The following PDE10A variants were observed in gnomAD, a reference collection of about 807,000 sequenced individuals.
The protein encoded by PDE10A is phosphodiesterase 10A, also known as cAMP and cAMP-inhibited cGMP 3',5'-cyclic phosphodiesterase 10A.
In PDE10A, 39 loss-of-function variants were observed where a neutral mutation model predicts 97.7. The ratio of observed to expected loss-of-function variants is 0.40; its 90% CI spans 0.31 to 0.52. The LOEUF (loss-of-function observed/expected upper bound fraction) is 0.52. Ranked by LOEUF, PDE10A falls within the 20% of genes least tolerant of loss-of-function variation. The probability of loss-of-function intolerance (pLI) is 0.56; values close to 1 mark genes in which losing one functional copy is unlikely to be tolerated. For missense variants in PDE10A, 731 were observed against 1,047.8 expected, an observed-to-expected ratio of 0.70 and a Z score of 4.17; for synonymous variants, 371 against 376.8, an observed-to-expected ratio of 0.98 and a Z score of 0.18.
At chr6:165,380,200 C>T (rs940209139) in intron 17 of PDE10A, among the ~76,000 whole-genome samples, 1 of 152,144 alleles carries the variant, frequency 6.6e-6, no homozygotes, top group Non-Finnish European at 1.5e-5. Flanking sequence ...AATTAAGATG[C>T]AGTCAATTTG....
In PDE10A at chr6:165,430,298, G is replaced by A. The variant is rs141863025; in HGVS notation, c.1590C>T (p.Leu530=). ...AAATGAACACTTACTTTGATACGTCGAGTAGGAAGTCATTCAATTCTGTCT... is the reference window on the plus strand; with the variant it reads ...AAATGAACACTTACTTTGATACGTCAAGTAGGAAGTCATTCAATTCTGTCT... ...AKQTELNDFL[L]DVSKTYFDNI... is the part of the protein sequence containing the mutation. Residue 530 remains leucine, a synonymous_variant, in exon 9 of 22, where the codon CTC becomes CTT. Coordinates refer to ENST00000539869, the MANE Select transcript of PDE10A (RefSeq NM_001385079.1). 1.5e-4 allele frequency: 236 copies of A among 1,606,920 alleles called. 2 individuals carry two copies. Among genetic ancestry groups the A allele is most frequent in the South Asian group, 1.0e-3 (94 of 90,630 alleles).
rs958714970 is a variant in PDE10A, at chr6:165,671,711, CATAT to C, written c.-614-128147_-614-128144del. Among the ~76,000 whole-genome samples, 9 of 151,466 alleles carry C rather than the reference CATAT, an allele frequency of 5.9e-5. No individual in the cohort carries two copies. The highest frequency in any genetic ancestry group is 1.2e-4 in the Non-Finnish European group (8 of 67,988). On this transcript the variant is annotated intron_variant, in intron 1 of 19. Coordinates refer to the PDE10A transcript ENST00000366882. The surrounding 1 kb of genome is among the most constrained non-coding windows in gnomAD (Gnocchi z 4.6). ...GCTAGATATCACACACACACACACA[CATAT>C]ATATAGTGTGCTTTATATCATATAT...
intron 1 of PDE10A, among the ~76,000 whole-genome samples, chr6:165,587,444 G>T (rs995572625): frequency 2.0e-5 from 3 of 152,062 alleles, no homozygotes; most frequent in African/African-American, 7.3e-5. Flanking sequence ...GTCCTAGATG[G>T]GGGTAAGTTA....
At chr6:165,589,354 T>C (rs1786109755) in intron 1 of PDE10A, among the ~76,000 whole-genome samples, 1 of 152,200 alleles carries the variant, frequency 6.6e-6, no homozygotes, top group Admixed American at 6.5e-5. Flanking sequence ...AATATGAAAT[T>C]TCCCCAATTT....
intron 1 of PDE10A, among the ~76,000 whole-genome samples, chr6:165,582,933 G>T (rs774892798): frequency 6.6e-6 from 1 of 151,970 alleles, no homozygotes; most frequent in Non-Finnish European, 1.5e-5. Context: ...GTATTTCTTC[G>T]TGCGGCAAAT....
At chr6:165,369,828 G>C (rs963852156) in intron 18 of PDE10A, among the ~76,000 whole-genome samples, 3 of 151,024 alleles carry the variant, frequency 2.0e-5, no homozygotes, top group Non-Finnish European at 4.4e-5. Context: ...CAGCCAGAGA[G>C]AAAGGTCGGG....
intron 1 of PDE10A, among the ~76,000 whole-genome samples, chr6:165,788,545 G>GA (rs1554321909): frequency 1.7e-5 from 2 of 114,414 alleles, no homozygotes; most frequent in East Asian, 5.2e-4. Context: ...AAAAAGAAAA[G>GA]AAAAGAAAAA....
At chr6:165,367,403 C>T (rs1443175461) in intron 18 of PDE10A, among the ~76,000 whole-genome samples, 2 of 151,806 alleles carry the variant, frequency 1.3e-5, no homozygotes, top group East Asian at 3.9e-4. Flanking sequence ...CCATACAGAG[C>T]CTTAATAACC....
chr6:165,655,055 C>T lies in PDE10A; in HGVS notation c.865+6892G>A, dbSNP rs556105140. Among the ~76,000 whole-genome samples, 18 of 152,296 alleles carry T rather than the reference C, an allele frequency of 1.2e-4. No homozygotes were observed. Among genetic ancestry groups the T allele is most frequent in the South Asian group, 4.2e-4 (2 of 4,818 alleles). Reference sequence around the variant, plus strand: ...AGAGTCCAAATCTCTCTTTCTACTCCGGCTCATAGCACAGAATTCCAGCGG... The same window carrying T: ...AGAGTCCAAATCTCTCTTTCTACTCTGGCTCATAGCACAGAATTCCAGCGG... On this transcript the variant is annotated intron_variant, in intron 1 of 21. Transcript: ENST00000539869. The surrounding 1 kb of genome is among the most constrained non-coding windows in gnomAD (Gnocchi z 4.5).
At chr6:165,385,258 G>C (rs1378314435) in intron 17 of PDE10A, among the ~76,000 whole-genome samples, 1 of 151,944 alleles carries the variant, frequency 6.6e-6, no homozygotes, top group African/African-American at 2.4e-5. Flanking sequence ...CTGCATTCCT[G>C]GGTCAATGAG....
At chr6:165,725,146 T>A (rs1020299442) in intron 1 of PDE10A, among the ~76,000 whole-genome samples, 12 of 152,184 alleles carry the variant, frequency 7.9e-5, no homozygotes, top group African/African-American at 2.9e-4. Flanking sequence ...CTCCCATTCA[T>A]CTGCTGAGAG....
At chr6:165,339,492 A>G (rs1781848978) in intron 19 of PDE10A, 134 bp from the exon 20 acceptor site, 2 of 627,442 alleles carry the variant, frequency 3.2e-6, no homozygotes, top group Non-Finnish European at 5.6e-6. Context: ...AACCCAAGAA[A>G]AGTACATCAA....
At chr6:165,766,960 T>G (rs1777867748) in intron 1 of PDE10A, among the ~76,000 whole-genome samples, 1 of 152,258 alleles carries the variant, frequency 6.6e-6, no homozygotes, top group South Asian at 2.1e-4. Context: ...TACTTGAGTC[T>G]TTCAAACTTT....
chr6:165,497,214 A>G (rs1210748811), intron 2 of PDE10A, among the ~76,000 whole-genome samples: 1 of 152,212 alleles, frequency 6.6e-6, no homozygotes, highest in African/African-American at 2.4e-5. Flanking sequence ...ACATTTTCTG[A>G]CAATGTTGTA....
intron 1 of PDE10A, among the ~76,000 whole-genome samples, chr6:165,882,885 C>T (rs1337697602): frequency 2.0e-5 from 3 of 152,036 alleles, no homozygotes; most frequent in African/African-American, 7.2e-5. Context: ...CTGTTCTCAA[C>T]CCCAGGAGCC....
At chr6:165,600,412 G>A (rs1786874888) in intron 1 of PDE10A, among the ~76,000 whole-genome samples, 1 of 152,216 alleles carries the variant, frequency 6.6e-6, no homozygotes, top group African/African-American at 2.4e-5. Flanking sequence ...GAGAAAGTGG[G>A]TTGTCTTTTG....
At chr6:165,813,545 A>T (rs1463800226) in intron 1 of PDE10A, among the ~76,000 whole-genome samples, 1 of 152,140 alleles carries the variant, frequency 6.6e-6, no homozygotes. Flanking sequence ...TTCAGCCCAC[A>T]CTCACAGTAG....
chr6:165,366,582 C>T (rs1254460695), intron 18 of PDE10A, among the ~76,000 whole-genome samples: 2 of 152,120 alleles, frequency 1.3e-5, no homozygotes, highest in Non-Finnish European at 2.9e-5. Flanking sequence ...TGGGTGACAT[C>T]CTTATTTACA....
intron 1 of PDE10A, among the ~76,000 whole-genome samples, chr6:165,756,373 C>T (rs557786081): frequency 2.6e-5 from 4 of 152,226 alleles, no homozygotes; most frequent in African/African-American, 9.6e-5. Flanking sequence ...ACAGTCTCCC[C>T]ATTTACGTTT....
Sources: allele counts gnomAD v4.1 joint callset (sites outside exome capture counted in the v4.1 genomes callset), GRCh38; gene constraint gnomAD v4.1.1; non-coding constraint Gnocchi (gnomAD v3.1); transcripts MANE v1.5; gene names NCBI Gene and HGNC (gene_info 2026-07-23, HGNC 2026-07-21).